The following IKBKG variants were observed in gnomAD, a reference collection of about 807,000 sequenced individuals.
The protein encoded by IKBKG is NF-kappa-B essential modulator.
A neutral mutation model predicts 13.7 loss-of-function variants in IKBKG; 2 were observed. The ratio of observed to expected loss-of-function variants is 0.15; its 90% confidence interval spans 0.06 to 0.46. The LOEUF is 0.46. Ranked by LOEUF, IKBKG falls within the 20% of genes least tolerant of loss-of-function variation. The probability of loss-of-function intolerance (pLI) is 0.98; values close to 1 mark genes in which losing one functional copy is unlikely to be tolerated. For synonymous variants in IKBKG, 22 were observed against 64.4 expected, an observed-to-expected ratio of 0.34 and a Z score of 3.15; for missense variants, 53 against 150.3, an observed-to-expected ratio of 0.35 and a Z score of 3.39.
upstream of IKBKG, chrX:154,542,557 C>G (rs1485266388): frequency 2.0e-6 from 2 of 1,010,382 alleles, no homozygotes; most frequent in African/African-American, 3.9e-5. Context: ...AGGAAGGAAG[C>G]TGGGTGTGTG....
upstream of IKBKG, chrX:154,546,723 C>A: frequency 1.1e-6 from 1 of 937,185 alleles, no homozygotes; most frequent in Admixed American, 2.8e-5. Context: ...GTGTATTTTA[C>A]CGCCGCGCGG....
At chrX:154,546,550 C>CTT (rs1204132002), upstream of IKBKG, among the ~76,000 whole-genome samples, 5 of 111,202 alleles carry the variant, frequency 4.5e-5, no homozygotes, top group African/African-American at 1.6e-4. Flanking sequence ...GGTGCAGATG[C>CTT]TGGAGTTCAG....
intron 2 of IKBKG, among the ~76,000 whole-genome samples, chrX:154,552,868 C>T (rs909057148): frequency 1.8e-4 from 20 of 112,338 alleles, no homozygotes; most frequent in Non-Finnish European, 3.2e-4. Flanking sequence ...CTCAGCTGCA[C>T]GCTCCTGCCC....
At chrX:154,548,131 A>G in intron 1 of IKBKG, 2 of 744,910 alleles carry the variant, frequency 2.7e-6, no homozygotes, top group Non-Finnish European at 3.2e-6. Flanking sequence ...TTGCAAGACA[A>G]CATCTGCCTA....
chrX:154,544,532 C>T (rs970857243), upstream of IKBKG, among the ~76,000 whole-genome samples: 11 of 111,928 alleles, frequency 9.8e-5, no homozygotes, highest in Non-Finnish European at 1.7e-4. Context: ...TGACCTCAGG[C>T]GATCCACCTG....
chrX:154,541,444 CAG>C (rs1385246580), intron 1 of IKBKG: 1 of 111,811 alleles, frequency 8.9e-6, no homozygotes, highest in Non-Finnish European at 1.9e-5. Flanking sequence ...CCCATGGTGA[CAG>C]GGAGCTAAGC....
At chrX:154,541,259 G>A (rs1214004089) in exon 1 of IKBKG, 2 of 111,975 alleles carry the variant, frequency 1.8e-5, no homozygotes, top group African/African-American at 3.3e-5. Flanking sequence ...GCAACCCCAC[G>A]CTCCAGGCCG....
chrX:154,545,885 A>AGAGCC (rs1328755458), upstream of IKBKG: 57 of 643,924 alleles, frequency 8.9e-5, no homozygotes, highest in South Asian at 1.3e-3. Context: ...CACACCAGGT[A>AGAGCC]GAGCCGGGAT....
upstream of IKBKG, chrX:154,547,555 C>T: frequency 1.1e-5 from 8 of 755,014 alleles, no homozygotes; most frequent in Non-Finnish European, 1.3e-5. Flanking sequence ...CACTTCTCGC[C>T]GGCTTCCCGA....
intron 1 of IKBKG, 158 bp downstream of exon 1, chrX:154,547,903 C>A: frequency 7.9e-6 from 6 of 754,979 alleles, no homozygotes; most frequent in Non-Finnish European, 9.4e-6. Context: ...GATTCAGGAC[C>A]CAGGTTACTT....
At chrX:154,546,888 G>T (rs782032487), upstream of IKBKG, 24 of 1,018,436 alleles carry the variant, frequency 2.4e-5, no homozygotes, top group Non-Finnish European at 2.9e-5. Context: ...GCGGGGGCGG[G>T]GGCGGGCGCC....
chrX:154,554,952 T>C (rs192440175), intron 2 of IKBKG, among the ~76,000 whole-genome samples: 15 of 111,228 alleles, frequency 1.3e-4, no homozygotes, highest in Non-Finnish European at 2.5e-4. Context: ...ACATCACTTA[T>C]CAGTTTTGTC....
upstream of IKBKG, among the ~76,000 whole-genome samples, chrX:154,543,868 T>C (rs1214054581): frequency 1.9e-5 from 2 of 106,438 alleles, no homozygotes; most frequent in Non-Finnish European, 3.9e-5. Context: ...TAATTTTTGT[T>C]ATTTTTTTTT....
chrX:154,547,870 T>G (rs782179421), intron 1 of IKBKG, 125 bp downstream of exon 1: 1 of 753,837 alleles, frequency 1.3e-6, no homozygotes, highest in Non-Finnish European at 1.6e-6. Context: ...TCCGCGCTTC[T>G]GGAGCACTGG....
intron 1 of IKBKG, 97 bp from the exon 2 acceptor site, chrX:154,551,891 G>A: frequency 1.6e-6 from 1 of 638,263 alleles, no homozygotes; most frequent in East Asian, 3.8e-5. Context: ...TGAATTATCA[G>A]CATTCTGTTT....
At chrX:154,545,791 C>T (rs1226751068), upstream of IKBKG, 10 of 340,680 alleles carry the variant, frequency 2.9e-5, no homozygotes, top group African/African-American at 8.5e-5. Flanking sequence ...GCCAAGATGG[C>T]GCCACTGCAC....
At chrX:154,547,460 A>G (rs905136160), upstream of IKBKG, 2 of 754,012 alleles carry the variant, frequency 2.7e-6, no homozygotes, top group African/African-American at 4.6e-5. Flanking sequence ...CGGCGTGCTT[A>G]TCATTACCGA....
At chrX:154,547,821 A>T in intron 1 of IKBKG, 76 bp downstream of exon 1, 1 of 754,857 alleles carries the variant, frequency 1.3e-6, no homozygotes, top group Non-Finnish European at 1.6e-6. Flanking sequence ...CCGGACGTTC[A>T]GGCTCCCCCC....
At chrX:154,542,450 G>A (rs920612647), upstream of IKBKG, 6 of 1,177,939 alleles carry the variant, frequency 5.1e-6, no homozygotes, top group Non-Finnish European at 6.8e-6. Flanking sequence ...CTGGAAGGGG[G>A]CAGTAAGTAC....
Sources: gnomAD v4.1 joint callset for allele counts (sites outside exome capture counted in the v4.1 genomes callset) on GRCh38, gnomAD v4.1.1 for gene constraint, MANE v1.5 for transcripts, NCBI Gene and HGNC (gene_info 2026-07-23, HGNC 2026-07-21) for gene names.